C21orf58: variants seen among roughly 807,000 people sequenced by gnomAD.
C21orf58 encodes the protein uncharacterized protein C21orf58.
Under a neutral mutation model 35.8 loss-of-function variants are expected in C21orf58, and 34 were observed. That is an observed-to-expected ratio of 0.95 (90% CI 0.72 to 1.26). C21orf58 has a LOEUF of 1.26. C21orf58 is among the 50% of genes most tolerant of loss of function. C21orf58 has a pLI of 0.00. For synonymous variants in C21orf58, 191 were observed against 175.8 expected, an observed-to-expected ratio of 1.09 and a Z score of -0.68; for missense variants, 440 against 414.3, an observed-to-expected ratio of 1.06 and a Z score of -0.54.
At position 46,314,865 on chromosome 21, in the gene C21orf58, C is replaced by T; in HGVS notation, c.460G>A (p.Asp154Asn). 4 of 1,550,458 alleles carry T rather than the reference C, an allele frequency of 2.6e-6. No individual in the cohort carries two copies. The highest frequency in any genetic ancestry group is 3.5e-6 in the Non-Finnish European group (4 of 1,146,932). Reference protein sequence around the residue: ...LQRLREQHLLDELSRAQAWSG... With the variant: ...LQRLREQHLLNELSRAQAWSG... The stretch of plus-strand genomic sequence containing the variant: ...CAGGCCTGGGCCCGAGAGAGCTCGT[C>T]CAGGAGGTGTTGTTCCTGCAAGGCC... Residue 154 changes from aspartate to asparagine, a missense_variant, in exon 5 of 8, where the codon GAC becomes AAC. Physicochemically the swap from Asp to Asn is conservative, Grantham distance 23. Coordinates refer to ENST00000291691, the MANE Select transcript of C21orf58 (RefSeq NM_058180.5).
intron 6 of C21orf58, among the ~76,000 whole-genome samples, chr21:46,309,467 A>C (rs554477903): frequency 6.6e-6 from 1 of 152,182 alleles, no homozygotes; most frequent in East Asian, 1.9e-4. Context: ...GTCTCAAAAA[A>C]AAAAAAAAAA....
rs2082118084 is a variant in C21orf58, at chr21:46,301,849, C to G, written c.*150G>C. On this transcript the variant is annotated 3_prime_UTR_variant, in exon 8 of 8. Coordinates refer to ENST00000291691, the MANE Select transcript of C21orf58 (RefSeq NM_058180.5). ...CAGAAAGCGAGCCTGCCCAGCTTCC[C>G]CAGGAGGAGCCTGCAGTCCACACTC... 5 of 1,272,044 alleles carry G rather than the reference C, an allele frequency of 3.9e-6. No homozygotes were observed. Among genetic ancestry groups the G allele is most frequent in the Non-Finnish European group, 4.9e-6 (5 of 1,010,992 alleles). The allele number at this position is 1,272,044 out of a possible 1,614,324, so 78.8% of individuals were successfully genotyped here.
intron 6 of C21orf58, among the ~76,000 whole-genome samples, chr21:46,308,156 C>G (rs1370951831): frequency 6.6e-6 from 1 of 151,898 alleles, no homozygotes; most frequent in East Asian, 2.0e-4. Flanking sequence ...ACCGCACCTG[C>G]TGATTTAACT....
chr21:46,314,922 G>GC (rs1419639466), intron 4 of C21orf58, 42 bp from the exon 5 acceptor site: 14 of 1,550,352 alleles, frequency 9.0e-6, no homozygotes, highest in Non-Finnish European at 1.0e-5. Context: ...GGGACGGGGA[G>GC]CCCCAACGCC....
At chr21:46,315,282 C>A in intron 4 of C21orf58, 192 bp downstream of exon 4, 1 of 596,214 alleles carries the variant, frequency 1.7e-6, no homozygotes, top group Non-Finnish European at 3.0e-6. Flanking sequence ...TGGGCCCTTA[C>A]TCAACATTTC....
Position 46,302,008 on chromosome 21 carries a change from G to C in C21orf58, c.960C>G (p.Gly320=), listed in dbSNP as rs2082124948. ...TCTCTGTGACTCACACTCAGGGTGGGCCAGGCGTCCACAGGCTGGGGGCGG... is the reference window on the plus strand; with the variant it reads ...TCTCTGTGACTCACACTCAGGGTGGCCCAGGCGTCCACAGGCTGGGGGCGG... The part of the protein sequence containing the change: ...LQPAPSLWTP[G]PP The change falls in exon 8 of 8, where the codon GGC becomes GGG. Residue 320 remains glycine (G), a synonymous_variant. Coordinates refer to ENST00000291691, the MANE Select transcript of C21orf58 (RefSeq NM_058180.5). 1 of 1,531,844 alleles carries C rather than the reference G, an allele frequency of 6.5e-7. No homozygotes were observed. Among genetic ancestry groups the C allele is most frequent in the African/African-American group, 1.4e-5 (1 of 72,376 alleles). The allele number at this position is 1,531,844 out of a possible 1,614,324, so 94.9% of individuals were successfully genotyped here. A position where few individuals can be genotyped will look rare whatever the true frequency, so the allele number is the denominator to read the frequency against.
intron 4 of C21orf58, 71 bp downstream of exon 4, chr21:46,315,403 G>A (rs2082935021): frequency 8.4e-6 from 8 of 955,004 alleles, no homozygotes; most frequent in African/African-American, 1.6e-5. Flanking sequence ...CCGACCTGGT[G>A]CCTTAAGGCT....
At chr21:46,322,481 C>T in intron 1 of C21orf58, 158 bp downstream of exon 1, 2 of 985,400 alleles carry the variant, frequency 2.0e-6, no homozygotes, top group Non-Finnish European at 2.4e-6. Context: ...CGGTCTGGGT[C>T]TCTGTTCCTG....
chr21:46,300,548 A>G, downstream of C21orf58: 3 of 742,294 alleles, frequency 4.0e-6, no homozygotes, highest in Non-Finnish European at 5.3e-6. Context: ...GAGTCTCTGG[A>G]ATCACCTTCA....
chr21:46,316,438 AGAGT>A (rs2146090103), intron 3 of C21orf58, among the ~76,000 whole-genome samples: 1 of 152,338 alleles, frequency 6.6e-6, no homozygotes, highest in East Asian at 1.9e-4. Context: ...CCTGGGCAAT[AGAGT>A]GAGACTCCAT....
At chr21:46,304,930 C>T (rs977171866) in intron 6 of C21orf58, among the ~76,000 whole-genome samples, 1 of 152,234 alleles carries the variant, frequency 6.6e-6, no homozygotes, top group East Asian at 1.9e-4. Context: ...GGACATCACA[C>T]TAAGCGAAAT....
intron 3 of C21orf58, among the ~76,000 whole-genome samples, chr21:46,316,441 G>A (rs954253725): frequency 3.3e-5 from 5 of 152,160 alleles, no homozygotes; most frequent in Non-Finnish European, 7.3e-5. Flanking sequence ...GGGCAATAGA[G>A]TGAGACTCCA....
intron 6 of C21orf58, among the ~76,000 whole-genome samples, chr21:46,305,945 A>C (rs1165873797): frequency 6.6e-6 from 1 of 152,062 alleles, no homozygotes; most frequent in African/African-American, 2.4e-5. Context: ...GTCTCAAAAA[A>C]AAAAAGAAAA....
At chr21:46,318,773 GA>G (rs764572511) in intron 1 of C21orf58, 2 of 990,540 alleles carry the variant, frequency 2.0e-6, no homozygotes, top group Non-Finnish European at 2.4e-6. Context: ...GTGCCCAGGG[GA>G]TATGTCCCAC....
At chr21:46,317,974 AGTT>A in intron 2 of C21orf58, 35 bp downstream of exon 2, 1 of 1,608,104 alleles carries the variant, frequency 6.2e-7, no homozygotes, top group Admixed American at 1.7e-5. Flanking sequence ...ACAGCCTGCG[AGTT>A]GTTAAAAACA....
chr21:46,301,360 TG>T lies in C21orf58; in HGVS notation c.*638del. On this transcript the variant is annotated 3_prime_UTR_variant, in exon 8 of 8. Coordinates refer to ENST00000291691, the MANE Select transcript of C21orf58 (RefSeq NM_058180.5). ...CGGGGTCTTGCTATGTGACCCAGGC[TG>T]GTCTCGAATTCCTGAGCTCAAGTGA... 1 of 490,128 alleles carries T rather than the reference TG, an allele frequency of 2.0e-6. No homozygotes were observed. The highest frequency in any genetic ancestry group is 2.6e-6 in the Non-Finnish European group (1 of 377,598). 30.4% of individuals were successfully genotyped at this position (490,128 alleles called of 1,614,324 possible). A position where few individuals can be genotyped will look rare whatever the true frequency, so the allele number is the denominator to read the frequency against.
intron 6 of C21orf58, among the ~76,000 whole-genome samples, chr21:46,308,642 C>T (rs1445570257): frequency 6.6e-6 from 1 of 151,826 alleles, no homozygotes; most frequent in Non-Finnish European, 1.5e-5. Context: ...ACTTAATCCT[C>T]AATGTGGCAG....
intron 6 of C21orf58, among the ~76,000 whole-genome samples, chr21:46,307,801 AC>A (rs2082489337): frequency 6.6e-6 from 1 of 152,152 alleles, no homozygotes; most frequent in South Asian, 2.1e-4. Flanking sequence ...CTGCCCCTAG[AC>A]TACCAATTCC....
intron 1 of C21orf58, chr21:46,320,963 T>A (rs1199294683): frequency 1.3e-5 from 2 of 152,226 alleles, no homozygotes; most frequent in African/African-American, 2.4e-5. Context: ...TGGGAAGCAC[T>A]AAGAATTGCC....
Sources: allele counts gnomAD v4.1 joint callset (sites outside exome capture counted in the v4.1 genomes callset), GRCh38; gene constraint gnomAD v4.1.1; transcripts MANE v1.5; gene names NCBI Gene and HGNC (gene_info 2026-07-23, HGNC 2026-07-21).